Variants in ALPI observed in about 807,000 individuals in gnomAD.
ALPI encodes the protein alkaline phosphatase, intestinal.
ALPI carries 50 observed loss-of-function variants against 51.5 expected under a neutral mutation model. That is an observed-to-expected ratio of 0.97 (90% CI 0.77 to 1.23). The LOEUF is 1.23. Among genes scored for constraint, ALPI ranks in the 50% most tolerant of loss-of-function variants. The pLI is 0.00. For missense variants in ALPI, 692 were observed against 722.4 expected (o/e 0.96, Z 0.48); for synonymous variants, 322 against 308.2 (o/e 1.04, Z -0.47).
rs1447555538 is a variant in ALPI, at chr2:232,458,437, C to T, written c.1183+29C>T. ...GGCCTGGGGAGAGTGGCAGGTGCTG[C>T]TGCATCAATTATGAGGGTGAAGTTT... is the stretch of plus-strand genomic sequence containing the variant. On this transcript the variant is annotated intron_variant, in intron 9 of 10. Coordinates refer to ENST00000295463, the MANE Select transcript of ALPI (RefSeq NM_001631.5). The T allele has an allele frequency of 1.9e-6, 3 of 1,597,652 alleles. No individual in the cohort carries two copies. The African/African-American group carries it at 4.0e-5, about 21-fold the overall frequency.
In ALPI at chr2:232,459,074, G is replaced by T; in HGVS notation, c.1515G>T (p.Ala505=). 3.2e-6 allele frequency: 5 copies of T among 1,544,912 alleles called. No individual in the cohort carries two copies. The highest frequency in any genetic ancestry group is 4.4e-6 in the Non-Finnish European group (5 of 1,146,998). Residue 505 remains alanine (A), a synonymous_variant, in exon 11 of 11, where the codon GCG becomes GCT. Coordinates refer to ENST00000295463, the MANE Select transcript of ALPI (RefSeq NM_001631.5). ...LAPPACTTDA[A]HPVAASLPLL... ...CTCCCGCCTGCACCACCGACGCCGC[G>T]CACCCAGTTGCCGCGTCGCTGCCAC...
At position 232,457,312 on chromosome 2, in the gene ALPI, T is replaced by C; in HGVS notation, c.638T>C (p.Met213Thr). 7.5e-6 allele frequency: 12 copies of C among 1,608,950 alleles called. No individual in the cohort carries two copies. The highest frequency in any genetic ancestry group is 1.0e-5 in the Non-Finnish European group (12 of 1,177,500). ...QDIATQLISN[M>T]DIDVILGGGR... ...ATCGCCACTCAGCTCATCTCCAACA[T>C]GGACATTGACGTGCGACCCCCGGGC... The change falls in exon 5 of 11, where the codon ATG (methionine) becomes ACG (threonine). Residue 213 changes from methionine to threonine, a missense_variant. Coordinates refer to ENST00000295463, the MANE Select transcript of ALPI (RefSeq NM_001631.5). The surrounding 1 kb of genome is among the most constrained non-coding windows in gnomAD (Gnocchi z 4.7).
intron 9 of ALPI, 90 bp from the exon 10 acceptor site, chr2:232,458,542 G>A (rs1193676429): frequency 2.5e-5 from 38 of 1,536,950 alleles, no homozygotes; most frequent in East Asian, 1.6e-4. Flanking sequence ...CCGAGCCCCC[G>A]AACAGGCAAA....
In ALPI at chr2:232,457,031, G is replaced by A. The variant is rs765035413; in HGVS notation, c.433G>A (p.Gly145Ser). The A allele has an allele frequency of 9.3e-6, 15 of 1,613,476 alleles. No individual in the cohort carries two copies. The highest frequency in any genetic ancestry group is 8.8e-5 in the South Asian group (8 of 91,076). ...ARFNQCNTTR[G>S]NEVISVMNRA... ...CTTTAACCAGTGCAACACGACACGC[G>A]GCAATGAGGTCATCTCCGTGATGAA... Residue 145 changes from glycine to serine, a missense_variant, in exon 4 of 11, where the codon GGC becomes AGC. Transcript: ENST00000295463. The surrounding 1 kb of genome is among the most constrained non-coding windows in gnomAD (Gnocchi z 4.7).
At position 232,457,819 on chromosome 2, in the gene ALPI, A is replaced by G; in HGVS notation, c.808A>G (p.Thr270Ala). 1 of 1,613,960 alleles carries G rather than the reference A, an allele frequency of 6.2e-7. No homozygotes were observed. Among genetic ancestry groups the G allele is most frequent in the Non-Finnish European group, 8.5e-7 (1 of 1,179,964 alleles). ...HQGAWYVWNR[T>A]ELMQASLDQS... Reference sequence around the variant, plus strand: ...GGGTGCCTGGTATGTGTGGAACCGCACTGAGCTCATGCAGGCGTCCCTGGA... The same window carrying G: ...GGGTGCCTGGTATGTGTGGAACCGCGCTGAGCTCATGCAGGCGTCCCTGGA... Residue 270 changes from threonine (T) to alanine (A), a missense_variant, in exon 7 of 11, where the codon ACT (threonine) becomes GCT (alanine). Coordinates refer to ENST00000295463, the MANE Select transcript of ALPI (RefSeq NM_001631.5). The surrounding 1 kb of genome is among the most constrained non-coding windows in gnomAD (Gnocchi z 4.7).
chr2:232,460,193 G>A lies in ALPI; in HGVS notation c.*1047G>A, dbSNP rs1230475188. Among the ~76,000 whole-genome samples, 1 of 149,492 alleles carries A rather than the reference G, an allele frequency of 6.7e-6. No homozygotes were observed. Among genetic ancestry groups the A allele is most frequent in the African/African-American group, 2.5e-5 (1 of 40,670 alleles). On this transcript the variant is annotated 3_prime_UTR_variant, in exon 11 of 11. Transcript: ENST00000295463. ...AGCAAGGCAGCACAGCAGTGCAAAC[G>A]CCCTGGGGCAGTGTCAGCAGGTGCT... is the stretch of plus-strand genomic sequence containing the variant.
intron 9 of ALPI, 69 bp downstream of exon 9, chr2:232,458,477 T>C (rs985525624): frequency 1.3e-6 from 2 of 1,551,648 alleles, no homozygotes; most frequent in African/African-American, 2.7e-5. Flanking sequence ...TTCAGTTTCC[T>C]CCTCTGTCAA....
At chr2:232,458,490 G>A (rs1690243925) in intron 9 of ALPI, 82 bp downstream of exon 9, 3 of 1,543,300 alleles carry the variant, frequency 1.9e-6, no homozygotes, top group Non-Finnish European at 2.6e-6. Flanking sequence ...TCTGTCAAAA[G>A]TGTGCAATGC....
chr2:232,457,454 C>A lies in ALPI; in HGVS notation c.649-111C>A. The A allele has an allele frequency of 2.6e-6, 4 of 1,542,970 alleles. No individual in the cohort carries two copies. Among genetic ancestry groups the A allele is most frequent in the Non-Finnish European group, 3.5e-6 (4 of 1,145,884 alleles). On this transcript the variant is annotated intron_variant, in intron 5 of 10. Coordinates refer to ENST00000295463, the MANE Select transcript of ALPI (RefSeq NM_001631.5). The surrounding 1 kb of genome is among the most constrained non-coding windows in gnomAD (Gnocchi z 4.7). The stretch of plus-strand genomic sequence containing the variant: ...AGTTGGGGATGTAGAATGTGCAATA[C>A]AGGCTGGGCCATTCCCACAGCCCTG...
chr2:232,457,709 G>A lies in ALPI; in HGVS notation c.783+10G>A. ...GCTGGCAAAGCACCAGGTGATGGGG[G>A]CTGGTGGGTGTGGGAGGCACGGCAG... On this transcript the variant is annotated intron_variant, in intron 6 of 10. Coordinates refer to ENST00000295463, the MANE Select transcript of ALPI (RefSeq NM_001631.5). The surrounding 1 kb of genome is among the most constrained non-coding windows in gnomAD (Gnocchi z 4.7). 6.2e-7 allele frequency: 1 copy of A among 1,611,548 alleles called. No homozygotes were observed. The highest frequency in any genetic ancestry group is 8.5e-7 in the Non-Finnish European group (1 of 1,178,320).
rs767168908 is a variant in ALPI, at chr2:232,458,613, G to C, written c.1184-19G>C. On this transcript the variant is annotated intron_variant, in intron 9 of 10. Transcript: ENST00000295463. ...CAGCTGTGGTCAGCTCAACTACAGG[G>C]ACCCGCATCTCCCTACAGGGTTGGC... The C allele has an allele frequency of 2.2e-5, 35 of 1,610,572 alleles. No homozygotes were observed. The highest frequency in any genetic ancestry group is 2.1e-4 in the South Asian group (19 of 90,952).
rs1326410097 is a variant in ALPI at position 232,457,129 on chromosome 2, C to T, written c.476-21C>T. The T allele has an allele frequency of 1.2e-6, 2 of 1,613,344 alleles. No individual in the cohort carries two copies. The highest frequency in any genetic ancestry group is 2.2e-5 in the East Asian group (1 of 44,892). ...CAGGCCCAAGATCTCGGTCACCGAT[C>T]CTGACCTCTGTCACCCTCAGGAAAG... On this transcript the variant is annotated intron_variant, in intron 4 of 10. Transcript: ENST00000295463. The surrounding 1 kb of genome is among the most constrained non-coding windows in gnomAD (Gnocchi z 4.7).
Position 232,456,850 on chromosome 2 carries a change from G to T in ALPI, c.301-49G>T. ...GGACCAGAACCAGGTCCTTGGTTGG[G>T]GTCTGGGTGTCCGCCCCGAAGTAGA... is the stretch of plus-strand genomic sequence containing the variant. On this transcript the variant is annotated intron_variant, in intron 3 of 10. Coordinates refer to ENST00000295463, the MANE Select transcript of ALPI (RefSeq NM_001631.5). The surrounding 1 kb of genome is among the most constrained non-coding windows in gnomAD (Gnocchi z 4.2). The T allele has an allele frequency of 6.2e-7, 1 of 1,607,148 alleles. No individual in the cohort carries two copies. The highest frequency in any genetic ancestry group is 1.1e-5 in the South Asian group (1 of 90,408).
Position 232,458,489 on chromosome 2 carries a change from AGT to A in ALPI, c.1183+85_1183+86del, listed in dbSNP as rs1407600780. On this transcript the variant is annotated intron_variant, in intron 9 of 10. Transcript: ENST00000295463. ...AGCTTCAGTTTCCTCCTCTGTCAAA[AGT>A]GTGCAATGCTGGCACCAGCCCTATA... 2.6e-6 allele frequency: 4 copies of A among 1,544,528 alleles called. No homozygotes were observed. The African/African-American group carries it at 5.4e-5, about 21-fold the overall frequency.
chr2:232,458,166 G>T (rs374242190), intron 8 of ALPI, 34 bp downstream of exon 8: 1 of 1,613,512 alleles, frequency 6.2e-7, no homozygotes, highest in African/African-American at 1.3e-5. Flanking sequence ...GGAGGAAGGC[G>T]GGGCGCGGCA....
rs1251221895 is a variant in ALPI at position 232,456,610 on chromosome 2, G to A, written c.215G>A (p.Arg72Lys). ...GGGGTGCCCACGGTGACAGCCACCA[G>A]GATCCTAAAGGGGCAGAAGAATGGC... ...GLGVPTVTAT[R>K]ILKGQKNGKL... The change falls in exon 3 of 11, where the codon AGG (arginine) becomes AAG (lysine). Residue 72 changes from arginine (R) to lysine (K), a missense_variant. Transcript: ENST00000295463. This position sits in a 1 kb window ranked among gnomAD's most constrained non-coding sequence, Gnocchi z 4.2. 1.2e-6 allele frequency: 2 copies of A among 1,613,434 alleles called. No homozygotes were observed. The highest frequency in any genetic ancestry group is 1.7e-6 in the Non-Finnish European group (2 of 1,179,770).
At position 232,456,746 on chromosome 2, in the gene ALPI, G is replaced by A. The variant is rs1211689553; in HGVS notation, c.300+51G>A. ...CTCCAAGCAGAGGAGAGGGATCAAG[G>A]ATATGGAGTGTGGCAGGAGGGAGGG... On this transcript the variant is annotated intron_variant, in intron 3 of 10. Transcript: ENST00000295463. The surrounding 1 kb of genome is among the most constrained non-coding windows in gnomAD (Gnocchi z 4.2). The A allele has an allele frequency of 6.4e-7, 1 of 1,553,684 alleles. No homozygotes were observed. Among genetic ancestry groups the A allele is most frequent in the Non-Finnish European group, 8.7e-7 (1 of 1,148,696 alleles).
chr2:232,459,402 T>G lies in ALPI; in HGVS notation c.*256T>G. Reference sequence around the variant, plus strand: ...TCCCCTCAGGTTGTTCTCTGATTCTTCCTCCCAACCCCAGAGACTGCAGAT... The same window carrying G: ...TCCCCTCAGGTTGTTCTCTGATTCTGCCTCCCAACCCCAGAGACTGCAGAT... On this transcript the variant is annotated 3_prime_UTR_variant, in exon 11 of 11. Coordinates refer to ENST00000295463, the MANE Select transcript of ALPI (RefSeq NM_001631.5). The G allele has an allele frequency of 1.9e-6, 1 of 514,296 alleles. No homozygotes were observed. Among genetic ancestry groups the G allele is most frequent in the Non-Finnish European group, 3.5e-6 (1 of 289,182 alleles). 31.9% of individuals were successfully genotyped at this position (514,296 alleles called of 1,614,324 possible). A position where few individuals can be genotyped will look rare whatever the true frequency, so the allele number is the denominator to read the frequency against.
chr2:232,458,196 C>A, intron 8 of ALPI, 21 bp from the exon 9 acceptor site: 1 of 1,613,776 alleles, frequency 6.2e-7, no homozygotes, highest in Non-Finnish European at 8.5e-7. Flanking sequence ...CAAGCATCAC[C>A]CCCCTCTGGC....
Sources: gnomAD v4.1 joint callset for allele counts (sites outside exome capture counted in the v4.1 genomes callset) on GRCh38, gnomAD v4.1.1 for gene constraint, Gnocchi (gnomAD v3.1) non-coding constraint, MANE v1.5 for transcripts, NCBI Gene and HGNC (gene_info 2026-07-23, HGNC 2026-07-21) for gene names.